The following TAF3 variants were observed in gnomAD, a reference collection of about 807,000 sequenced individuals.
TAF3 encodes transcription initiation factor TFIID subunit 3.
TAF3 carries 7 observed loss-of-function variants against 80.6 expected under a neutral mutation model. The ratio of observed to expected loss-of-function variants is 0.09; its 90% CI spans 0.05 to 0.16. The LOEUF is 0.16. TAF3 is among the 10% of genes least tolerant of loss of function. The pLI is 1.00. For synonymous variants in TAF3, 444 were observed against 446.1 expected (o/e 1.00, Z 0.06); for missense variants, 921 against 1,140.2 (o/e 0.81, Z 2.77).
chr10:7,977,658 A>C (rs1273692450), intron 4 of TAF3, among the ~76,000 whole-genome samples: 1 of 152,238 alleles, frequency 6.6e-6, no homozygotes, highest in Non-Finnish European at 1.5e-5. Context: ...CATTACACCC[A>C]GGTGGATGCA....
intron 2 of TAF3, among the ~76,000 whole-genome samples, chr10:7,913,601 C>T (rs964372063): frequency 6.6e-6 from 1 of 152,178 alleles, no homozygotes; most frequent in African/African-American, 2.4e-5. Context: ...TTGTGTTCTC[C>T]AGCTTGTTGG....
chr10:7,870,019 G>A (rs1464466985), intron 2 of TAF3, among the ~76,000 whole-genome samples: 2 of 152,138 alleles, frequency 1.3e-5, no homozygotes, highest in African/African-American at 4.8e-5. Flanking sequence ...GATTTCAGGT[G>A]AGCATCTTTA....
intron 2 of TAF3, among the ~76,000 whole-genome samples, chr10:7,864,126 G>A (rs751645179): frequency 4.6e-5 from 7 of 151,926 alleles, no homozygotes; most frequent in Non-Finnish European, 1.0e-4. Context: ...TTCACTCTTG[G>A]TGTTGTACAT....
At chr10:7,908,723 C>T (rs536845275) in intron 2 of TAF3, among the ~76,000 whole-genome samples, 1 of 152,358 alleles carries the variant, frequency 6.6e-6, no homozygotes, top group South Asian at 2.1e-4. Flanking sequence ...AGCCACAAAA[C>T]CCTTTCTTCA....
intron 2 of TAF3, among the ~76,000 whole-genome samples, chr10:7,900,677 A>C (rs924668212): frequency 6.6e-6 from 1 of 152,206 alleles, no homozygotes; most frequent in African/African-American, 2.4e-5. Flanking sequence ...TATTTTTATA[A>C]AAATTTTTAT....
chr10:7,877,346 T>G (rs1056225635), intron 2 of TAF3, among the ~76,000 whole-genome samples: 1 of 152,138 alleles, frequency 6.6e-6, no homozygotes, highest in Admixed American at 6.6e-5. Flanking sequence ...CTTTCATATT[T>G]GAGTGTATTT....
intron 2 of TAF3, among the ~76,000 whole-genome samples, chr10:7,889,875 C>G (rs1837442438): frequency 6.6e-6 from 1 of 152,176 alleles, no homozygotes; most frequent in African/African-American, 2.4e-5. Context: ...ATATTATTTT[C>G]TAATGCCACA....
At chr10:7,945,357 C>T (rs1202899611) in intron 2 of TAF3, among the ~76,000 whole-genome samples, 1 of 152,132 alleles carries the variant, frequency 6.6e-6, no homozygotes, top group African/African-American at 2.4e-5. Context: ...ATTACTGTGG[C>T]ATTTTTTCCC....
chr10:8,013,579 A>C, intron 5 of TAF3, 152 bp from the exon 6 acceptor site: 1 of 578,922 alleles, frequency 1.7e-6, no homozygotes, highest in Non-Finnish European at 3.1e-6. Context: ...GACGCTGATC[A>C]TGGCATTAAT....
intron 2 of TAF3, among the ~76,000 whole-genome samples, chr10:7,846,107 C>T (rs892310462): frequency 2.6e-5 from 4 of 151,746 alleles, no homozygotes; most frequent in African/African-American, 7.3e-5. Context: ...TACAGGCGCC[C>T]GCCACCACGC....
chr10:7,913,152 A>G (rs1198441350), intron 2 of TAF3, among the ~76,000 whole-genome samples: 1 of 152,098 alleles, frequency 6.6e-6, no homozygotes, highest in Non-Finnish European at 1.5e-5. Context: ...CTGTCAGATC[A>G]GGGCCCCACT....
chr10:7,899,002 G>T (rs1360157628), intron 2 of TAF3, among the ~76,000 whole-genome samples: 1 of 152,096 alleles, frequency 6.6e-6, no homozygotes, highest in Non-Finnish European at 1.5e-5. Context: ...ATTAATGTCA[G>T]TTCCCATAGG....
At chr10:7,871,129 C>T (rs1344706062) in intron 2 of TAF3, among the ~76,000 whole-genome samples, 2 of 152,076 alleles carry the variant, frequency 1.3e-5, no homozygotes, top group Non-Finnish European at 2.9e-5. Context: ...TTTATTAGTT[C>T]ACTTAAAAGT....
At chr10:7,990,562 A>C (rs1564378746) in intron 4 of TAF3, among the ~76,000 whole-genome samples, 1 of 152,222 alleles carries the variant, frequency 6.6e-6, no homozygotes, top group Non-Finnish European at 1.5e-5. Context: ...AAATCAGTAC[A>C]TGTGCTCTAC....
At chr10:7,990,519 G>A (rs1831824119) in intron 4 of TAF3, among the ~76,000 whole-genome samples, 1 of 152,116 alleles carries the variant, frequency 6.6e-6, no homozygotes, top group African/African-American at 2.4e-5. Context: ...TTGCTAGCAT[G>A]AACTGTTTTT....
At chr10:7,984,237 C>T (rs1243385470) in intron 4 of TAF3, among the ~76,000 whole-genome samples, 3 of 151,886 alleles carry the variant, frequency 2.0e-5, no homozygotes, top group African/African-American at 7.3e-5. Context: ...AGTTTTTACC[C>T]CGGCACAATA....
chr10:7,930,647 A>G (rs951096), intron 2 of TAF3, among the ~76,000 whole-genome samples: 54,095 of 152,038 alleles, frequency 0.36, 10,735 homozygotes, highest in Admixed American at 0.48. Flanking sequence ...GAGTACAGTC[A>G]TCAATATTTT....
intron 2 of TAF3, among the ~76,000 whole-genome samples, chr10:7,913,132 G>C (rs912230043): frequency 2.0e-5 from 3 of 152,080 alleles, no homozygotes; most frequent in African/African-American, 7.2e-5. Context: ...TTCCTCTATG[G>C]ACACCAGTGC....
intron 2 of TAF3, among the ~76,000 whole-genome samples, chr10:7,834,161 C>T: frequency 6.6e-6 from 1 of 152,216 alleles, no homozygotes; most frequent in Admixed American, 6.5e-5. Flanking sequence ...GTTGTGCCTT[C>T]ACTCTGCTGT....
Sources: allele counts gnomAD v4.1 joint callset (sites outside exome capture counted in the v4.1 genomes callset), GRCh38; gene constraint gnomAD v4.1.1; transcripts MANE v1.5; gene names NCBI Gene and HGNC (gene_info 2026-07-23, HGNC 2026-07-21).